The following POLH variants were observed in gnomAD, a reference collection of about 807,000 sequenced individuals.
POLH encodes the protein DNA polymerase eta transcript.
A neutral mutation model predicts 73.6 loss-of-function variants in POLH; 53 were observed. That is an observed-to-expected ratio of 0.72 (90% confidence interval 0.58 to 0.91). The LOEUF is 0.91. POLH is among the 40% of genes least tolerant of loss of function. The probability of loss-of-function intolerance (pLI) is 0.00; values close to 1 mark genes in which losing one functional copy is unlikely to be tolerated. For synonymous variants in POLH, 292 were observed against 308.5 expected, an observed-to-expected ratio of 0.95 and a Z score of 0.56; for missense variants, 768 against 865.4, an observed-to-expected ratio of 0.89 and a Z score of 1.41.
In POLH at chr6:43,582,425, G is replaced by C; in HGVS notation, c.106G>C (p.Val36Leu). The C allele has an allele frequency of 6.2e-7, 1 of 1,614,020 alleles. No individual in the cohort carries two copies. The highest frequency in any genetic ancestry group is 8.5e-7 in the Non-Finnish European group (1 of 1,179,894). ...TCATTTGAGGAATAAACCTTGTGCA[G>C]TTGTACAGTACAAATCATGGAAGGG... ...NPHLRNKPCAVVQYKSWKGGG... is the reference protein window; with the variant it reads ...NPHLRNKPCALVQYKSWKGGG... The change falls in exon 2 of 11, where the codon GTT (valine) becomes CTT (leucine). Residue 36 changes from valine (V) to leucine (L), a missense_variant. By Grantham distance (32) the Val-to-Leu change is conservative (BLOSUM62 1). Coordinates refer to ENST00000372236, the MANE Select transcript of POLH (RefSeq NM_006502.3).
chr6:43,594,713 C>T (rs1358867487), intron 4 of POLH, among the ~76,000 whole-genome samples: 2 of 152,118 alleles, frequency 1.3e-5, no homozygotes, highest in Non-Finnish European at 2.9e-5. Context: ...AAATAATAAA[C>T]TATCTTTTAA....
rs748568751 is a variant in POLH, at chr6:43,604,726, T to C, written c.996T>C (p.Ala332=). 2.5e-6 allele frequency: 4 copies of C among 1,614,040 alleles called. No homozygotes were observed. In the South Asian group the frequency reaches 3.3e-5, roughly 13 times the overall value. Residue 332 remains alanine, a synonymous_variant, in exon 8 of 11, where the codon GCT becomes GCC. Transcript: ENST00000372236. ...ACTTCCCAGGAAAAACAGCTCTTGC[T>C]ACTCGGGAACAGGTAAGCTGGCATT... ...SKNFPGKTAL[A]TREQVQWWLL... is the part of the protein sequence containing the mutation.
At chr6:43,584,088 G>A (rs9333513) in intron 3 of POLH, among the ~76,000 whole-genome samples, 115 of 152,230 alleles carry the variant, frequency 7.6e-4, no homozygotes, top group African/African-American at 2.5e-3. Context: ...GGTTGCAGTG[G>A]GCCCAGATCA....
At position 43,604,679 on chromosome 6, in the gene POLH, A is replaced by C. The variant is rs1299930346; in HGVS notation, c.949A>C (p.Lys317Gln). The C allele has an allele frequency of 6.2e-7, 1 of 1,614,104 alleles. No homozygotes were observed. Among genetic ancestry groups the C allele is most frequent in the Admixed American group, 1.7e-5 (1 of 60,018 alleles). Residue 317 changes from lysine (K) to glutamine (Q), a missense_variant, in exon 8 of 11, where the codon AAA becomes CAA. Coordinates refer to ENST00000372236, the MANE Select transcript of POLH (RefSeq NM_006502.3). ...TCCAGTTAAACCCAGGCAACTACCC[A>C]AAACCATTGGCTGTAGTAAGAACTT... ...HDPVKPRQLPKTIGCSKNFPG... is the reference protein window; with the variant it reads ...HDPVKPRQLPQTIGCSKNFPG...
In POLH at chr6:43,620,466, C is replaced by T; in HGVS notation, c.*5909C>T. ...TATCTAGCCCTGGAAGGAAGCTGAG[C>T]CTGTAGCTAACGCATAAGCACAGTG... On this transcript the variant is annotated 3_prime_UTR_variant, in exon 11 of 11. Coordinates refer to ENST00000372236, the MANE Select transcript of POLH (RefSeq NM_006502.3). 1 of 357,330 alleles carries T rather than the reference C, an allele frequency of 2.8e-6. No individual in the cohort carries two copies. The highest frequency in any genetic ancestry group is 5.4e-6 in the Non-Finnish European group (1 of 185,760). The allele number at this position is 357,330 out of a possible 1,614,324, so 22.1% of individuals were successfully genotyped here.
rs753949826 is a variant in POLH, at chr6:43,583,044, G to A, written c.175G>A (p.Val59Ile). ...AVSYEARAFG[V>I]TRSMWADDAK... Reference sequence around the variant, plus strand: ...GAGTTATGAAGCTCGTGCATTTGGAGTCACTAGAAGTATGTGGGCAGATGA... The same window carrying A: ...GAGTTATGAAGCTCGTGCATTTGGAATCACTAGAAGTATGTGGGCAGATGA... Residue 59 changes from valine to isoleucine, a missense_variant, in exon 3 of 11, where the codon GTC becomes ATC. Coordinates refer to ENST00000372236, the MANE Select transcript of POLH (RefSeq NM_006502.3). The A allele has an allele frequency of 6.2e-7, 1 of 1,613,586 alleles. No homozygotes were observed. Among genetic ancestry groups the A allele is most frequent in the Non-Finnish European group, 8.5e-7 (1 of 1,179,618 alleles).
chr6:43,613,355 C>A (rs1420206228), intron 10 of POLH, among the ~76,000 whole-genome samples: 1 of 152,144 alleles, frequency 6.6e-6, no homozygotes, highest in East Asian at 1.9e-4. Flanking sequence ...TTATAAAAAA[C>A]AATAATCTCT....
intron 4 of POLH, among the ~76,000 whole-genome samples, chr6:43,592,661 C>T (rs554328463): frequency 2.6e-5 from 4 of 152,090 alleles, no homozygotes; most frequent in African/African-American, 7.2e-5. Context: ...GTGATCTGCC[C>T]GCCTTGGTCT....
At chr6:43,610,748 C>A in intron 10 of POLH, 25 bp downstream of exon 10, 2 of 1,576,556 alleles carry the variant, frequency 1.3e-6, no homozygotes, top group South Asian at 2.2e-5. Context: ...AGCTCATCTT[C>A]TCAGAATAGA....
chr6:43,586,721 G>C (rs1764863437), intron 3 of POLH, among the ~76,000 whole-genome samples: 1 of 152,146 alleles, frequency 6.6e-6, no homozygotes, highest in Admixed American at 6.5e-5. Flanking sequence ...TGTGTATGTG[G>C]TGATGACCAG....
chr6:43,611,915 G>A (rs1050944282), intron 10 of POLH, among the ~76,000 whole-genome samples: 6 of 151,984 alleles, frequency 3.9e-5, no homozygotes, highest in African/African-American at 1.5e-4. Flanking sequence ...AATTAGCCAG[G>A]CATGGTGGTG....
chr6:43,614,719 C>T lies in POLH; in HGVS notation c.*162C>T. 3.1e-6 allele frequency: 2 copies of T among 636,892 alleles called. No individual in the cohort carries two copies. Among genetic ancestry groups the T allele is most frequent in the Non-Finnish European group, 5.3e-6 (2 of 376,240 alleles). The allele number at this position is 636,892 out of a possible 1,614,324, so 39.5% of individuals were successfully genotyped here. On this transcript the variant is annotated 3_prime_UTR_variant, in exon 11 of 11. Transcript: ENST00000372236. Reference sequence around the variant, plus strand: ...GCTGAGTTACGGTCCCATCTCTTCACAGGCATGGATTCTAATCCCACTGCT... The same window carrying T: ...GCTGAGTTACGGTCCCATCTCTTCATAGGCATGGATTCTAATCCCACTGCT...
intron 1 of POLH, among the ~76,000 whole-genome samples, chr6:43,580,814 G>C (rs1764031083): frequency 7.6e-6 from 1 of 132,386 alleles, no homozygotes; most frequent in South Asian, 2.5e-4. Context: ...GGGCAGAGGG[G>C]CTCCTCACTT....
In POLH at chr6:43,576,276, G is replaced by T. The variant is rs1763336261; in HGVS notation, c.-169G>T. On this transcript the variant is annotated 5_prime_UTR_variant, in exon 1 of 11. Transcript: ENST00000372236. ...CAGGATCCTTTACGATCCCTTCTCG[G>T]TTTCTCCGTCGTCACAGGGAATAAA... 6.3e-6 allele frequency: 1 copy of T among 159,868 alleles called. No individual in the cohort carries two copies. The highest frequency in any genetic ancestry group is 2.4e-5 in the African/African-American group (1 of 41,692). 9.9% of individuals were successfully genotyped at this position (159,868 alleles called of 1,614,324 possible).
At chr6:43,590,531 G>A (rs1005142867) in intron 4 of POLH, among the ~76,000 whole-genome samples, 5 of 151,394 alleles carry the variant, frequency 3.3e-5, no homozygotes, top group African/African-American at 4.9e-5. Context: ...GCGCAATCTC[G>A]GCTCATTGTA....
rs939799120 is a variant in POLH, at chr6:43,616,827, G to A, written c.*2270G>A. 6.6e-6 allele frequency among the ~76,000 whole-genome samples: 1 copy of A among 152,166 alleles called. No individual in the cohort carries two copies. Among genetic ancestry groups the A allele is most frequent in the Non-Finnish European group, 1.5e-5 (1 of 68,026 alleles). ...TTCTAACCATTGGCCTATCTCTTGC[G>A]TTTTGTTCTAATGTAGAATTAGATT... On this transcript the variant is annotated 3_prime_UTR_variant, in exon 11 of 11. Coordinates refer to ENST00000372236, the MANE Select transcript of POLH (RefSeq NM_006502.3).
Position 43,601,077 on chromosome 6 carries a change from G to T in POLH, c.750G>T (p.Met250Ile), listed in dbSNP as rs373892236. Residue 250 changes from methionine to isoleucine, a missense_variant, in exon 6 of 11, where the codon ATG becomes ATT. Transcript: ENST00000372236. The stretch of plus-strand genomic sequence containing the variant: ...CAGTCCCACAGCTCTTCAGCCAAAT[G>T]CCCATTCGCAAAATGTAAGTATTCA... ...HGSVPQLFSQMPIRKIRSLGG... is the reference protein window; with the variant it reads ...HGSVPQLFSQIPIRKIRSLGG... 4 of 1,611,606 alleles carry T rather than the reference G, an allele frequency of 2.5e-6. No homozygotes were observed. Among genetic ancestry groups the T allele is most frequent in the Non-Finnish European group, 3.4e-6 (4 of 1,177,862 alleles).
intron 4 of POLH, among the ~76,000 whole-genome samples, chr6:43,595,110 C>T (rs1440436276): frequency 2.0e-5 from 3 of 151,514 alleles, no homozygotes; most frequent in South Asian, 2.1e-4. Flanking sequence ...GTAGGAGGAT[C>T]GCTTGAGCTC....
In POLH at chr6:43,604,031, T is replaced by A. The variant is rs189639276; in HGVS notation, c.884+20T>A. The A allele has an allele frequency of 5.1e-4, 821 of 1,599,892 alleles. 4 individuals are homozygous for A. The highest frequency in any genetic ancestry group is 2.9e-3 in the South Asian group (260 of 90,806). ...GAATGGGTAAGTGATTCATTTTTTT[T>A]AAAATCATAACCTTTATGGAGATGC... On this transcript the variant is annotated intron_variant, in intron 7 of 10. Transcript: ENST00000372236.
Sources: allele counts gnomAD v4.1 joint callset (sites outside exome capture counted in the v4.1 genomes callset), GRCh38; gene constraint gnomAD v4.1.1; transcripts MANE v1.5; gene names NCBI Gene and HGNC (gene_info 2026-07-23, HGNC 2026-07-21).